GAREM1: variants seen among roughly 807,000 people sequenced by gnomAD.
GAREM1 encodes the protein GRB2 associated regulator of MAPK1 subtype 1.
A neutral mutation model predicts 71.3 loss-of-function variants in GAREM1; 26 were observed. That is an observed-to-expected ratio of 0.36 (90% CI 0.27 to 0.51). GAREM1 has a LOEUF of 0.51. Among genes scored for constraint, GAREM1 ranks in the 20% least tolerant of loss-of-function variants. The pLI is 0.95. For synonymous variants in GAREM1, 440 were observed against 433.2 expected, an observed-to-expected ratio of 1.02 and a Z score of -0.20; for missense variants, 1,026 against 1,103.1, an observed-to-expected ratio of 0.93 and a Z score of 0.99.
At chr18:32,457,228 T>A (rs34999712) in intron 1 of GAREM1, among the ~76,000 whole-genome samples, 6,736 of 123,842 alleles carry the variant, frequency 0.054, 179 homozygotes, top group Admixed American at 0.1. Context: ...AGAGAGAGAG[T>A]GTGTGTGTGT....
At chr18:32,404,758 G>T (rs926421476) in intron 1 of GAREM1, among the ~76,000 whole-genome samples, 4 of 151,978 alleles carry the variant, frequency 2.6e-5, no homozygotes, top group African/African-American at 4.8e-5. Context: ...CATTAGCCTG[G>T]TTTTTTCTCA....
At chr18:32,396,346 T>G (rs973179067) in intron 1 of GAREM1, among the ~76,000 whole-genome samples, 2 of 152,022 alleles carry the variant, frequency 1.3e-5, no homozygotes, top group African/African-American at 4.8e-5. Context: ...CTTCAGATAA[T>G]CAAACTTCTC....
At chr18:32,397,931 A>C (rs973156999) in intron 1 of GAREM1, among the ~76,000 whole-genome samples, 2 of 152,234 alleles carry the variant, frequency 1.3e-5, no homozygotes, top group Non-Finnish European at 2.9e-5. Context: ...ACTCCTCAGC[A>C]AATGTAAAAG....
chr18:32,358,739 T>C (rs915613923), intron 2 of GAREM1, among the ~76,000 whole-genome samples: 3 of 152,110 alleles, frequency 2.0e-5, no homozygotes, highest in South Asian at 4.1e-4. Flanking sequence ...CTTATCAATA[T>C]GTGAGTGGTG....
At chr18:32,395,442 G>C (rs1387923239) in intron 1 of GAREM1, among the ~76,000 whole-genome samples, 3 of 152,232 alleles carry the variant, frequency 2.0e-5, no homozygotes, top group Non-Finnish European at 4.4e-5. Context: ...GAAGGTGAGA[G>C]ATGCTGGGTG....
intron 3 of GAREM1, among the ~76,000 whole-genome samples, chr18:32,299,387 G>A (rs937165110): frequency 2.0e-5 from 3 of 151,594 alleles, no homozygotes; most frequent in Non-Finnish European, 4.4e-5. Context: ...GGCGGTGTGC[G>A]CCTGTTGTCC....
rs1485141509 is a variant in GAREM1, at chr18:32,370,518, T to C, written c.262+22377A>G. On this transcript the variant is annotated intron_variant, in intron 2 of 5. Transcript: ENST00000269209. The stretch of plus-strand genomic sequence containing the variant: ...TGCTAAATTATTTAAGTCAATATTC[T>C]TTAATTTATATATCATATTCCTTTG... Among the ~76,000 whole-genome samples the C allele has an allele frequency of 6.6e-5, 10 of 152,260 alleles. 1 individual carries two copies. Among genetic ancestry groups the C allele is most frequent in the African/African-American group, 2.4e-4 (10 of 41,462 alleles).
At chr18:32,377,629 T>C (rs2048044361) in intron 2 of GAREM1, among the ~76,000 whole-genome samples, 2 of 152,198 alleles carry the variant, frequency 1.3e-5, no homozygotes, top group Admixed American at 6.5e-5. Context: ...AGTGGCGCGA[T>C]CTCAGCTCAT....
At chr18:32,445,333 A>C (rs1280912461) in intron 1 of GAREM1, among the ~76,000 whole-genome samples, 2 of 150,726 alleles carry the variant, frequency 1.3e-5, no homozygotes, top group African/African-American at 4.8e-5. Context: ...TGCAAAAAAA[A>C]GGCTAAAGAG....
At chr18:32,317,284 G>A (rs2047387820) in intron 2 of GAREM1, among the ~76,000 whole-genome samples, 1 of 151,188 alleles carries the variant, frequency 6.6e-6, no homozygotes, top group Non-Finnish European at 1.5e-5. Flanking sequence ...ACATGCTTGT[G>A]ATCCCAGCTA....
At chr18:32,405,683 T>A (rs2048358085) in intron 1 of GAREM1, among the ~76,000 whole-genome samples, 1 of 152,212 alleles carries the variant, frequency 6.6e-6, no homozygotes, top group South Asian at 2.1e-4. Flanking sequence ...CTACTTCCTG[T>A]CCTGGCCTTA....
At chr18:32,331,001 C>G (rs2047529052) in intron 2 of GAREM1, among the ~76,000 whole-genome samples, 1 of 152,162 alleles carries the variant, frequency 6.6e-6, no homozygotes, top group Non-Finnish European at 1.5e-5. Context: ...ACATCCTAAC[C>G]TCACAACCAA....
intron 2 of GAREM1, among the ~76,000 whole-genome samples, chr18:32,329,299 C>A (rs1555635001): frequency 6.6e-6 from 1 of 151,948 alleles, no homozygotes; most frequent in Non-Finnish European, 1.5e-5. Context: ...TCACTCGAGC[C>A]CAGGAGTTTG....
At chr18:32,301,898 A>C (rs1192208586) in intron 3 of GAREM1, among the ~76,000 whole-genome samples, 1 of 152,234 alleles carries the variant, frequency 6.6e-6, no homozygotes, top group East Asian at 1.9e-4. Flanking sequence ...AATAAGATAT[A>C]AAAAGGTACA....
intron 2 of GAREM1, among the ~76,000 whole-genome samples, chr18:32,318,509 C>T (rs552983529): frequency 2.6e-5 from 4 of 152,216 alleles, no homozygotes; most frequent in East Asian, 1.9e-4. Flanking sequence ...GCAACAATGC[C>T]GAGATATGAA....
chr18:32,329,676 A>G (rs187185697), intron 2 of GAREM1, among the ~76,000 whole-genome samples: 2 of 143,212 alleles, frequency 1.4e-5, no homozygotes, highest in East Asian at 2.0e-4. Flanking sequence ...ACTGCACTCC[A>G]GCCTGGGTGA....
chr18:32,437,056 C>A (rs1255493361), intron 1 of GAREM1, among the ~76,000 whole-genome samples: 1 of 152,176 alleles, frequency 6.6e-6, no homozygotes, highest in African/African-American at 2.4e-5. Context: ...CTATAATGTT[C>A]TTCATTTTAC....
chr18:32,389,136 T>C (rs541429018), intron 2 of GAREM1, among the ~76,000 whole-genome samples: 2 of 152,048 alleles, frequency 1.3e-5, no homozygotes, highest in South Asian at 2.1e-4. Flanking sequence ...ACCGGGGAAA[T>C]GGCACAAGGG....
intron 1 of GAREM1, among the ~76,000 whole-genome samples, chr18:32,448,651 TTA>T (rs5823845): frequency 0.14 from 21,147 of 152,086 alleles, 1,815 homozygotes; most frequent in East Asian, 0.39. Context: ...ACATATGTGT[TTA>T]TATATATACA....
Sources: allele counts gnomAD v4.1 joint callset (sites outside exome capture counted in the v4.1 genomes callset), GRCh38; gene constraint gnomAD v4.1.1; transcripts MANE v1.5; gene names NCBI Gene and HGNC (gene_info 2026-07-23, HGNC 2026-07-21).